ARHGAP10: variants seen among roughly 807,000 people sequenced by gnomAD.
ARHGAP10 encodes Rho GTPase activating protein 10.
ARHGAP10 carries 87 observed loss-of-function variants against 108.6 expected under a neutral mutation model. The observed-to-expected ratio is 0.80, with a 90% CI of 0.67 to 0.96. The LOEUF is 0.96. Ranked by LOEUF, ARHGAP10 falls within the 40% of genes least tolerant of loss-of-function variation. ARHGAP10 has a pLI of 0.00. For synonymous variants in ARHGAP10, 347 were observed against 341.1 expected, an observed-to-expected ratio of 1.02 and a Z score of -0.19; for missense variants, 939 against 954.5, an observed-to-expected ratio of 0.98 and a Z score of 0.21.
chr4:148,036,773 T>A (rs1383355888), intron 19 of ARHGAP10, among the ~76,000 whole-genome samples: 1 of 151,982 alleles, frequency 6.6e-6, no homozygotes, highest in Non-Finnish European at 1.5e-5. Flanking sequence ...TTGTTAGGGG[T>A]TGATTGGGTT....
At chr4:148,049,301 T>C (rs1729021901) in intron 20 of ARHGAP10, among the ~76,000 whole-genome samples, 1 of 152,206 alleles carries the variant, frequency 6.6e-6, no homozygotes, top group Admixed American at 6.5e-5. Context: ...CAGGTGACGA[T>C]GAATGAGCCT....
intron 1 of ARHGAP10, 44 bp downstream of exon 1, chr4:147,732,499 C>A (rs375059886): frequency 4.4e-6 from 7 of 1,601,772 alleles, no homozygotes; most frequent in Non-Finnish European, 6.0e-6. Flanking sequence ...CGTGGCGAGG[C>A]GGCTGGGGGA....
intron 1 of ARHGAP10, among the ~76,000 whole-genome samples, chr4:147,816,806 C>T (rs1277543047): frequency 6.6e-6 from 1 of 152,184 alleles, no homozygotes; most frequent in East Asian, 1.9e-4. Flanking sequence ...AGCTAGTCTA[C>T]AATCCTAGAG....
chr4:147,805,319 G>C (rs1032670893), intron 1 of ARHGAP10, among the ~76,000 whole-genome samples: 3 of 152,096 alleles, frequency 2.0e-5, no homozygotes, highest in African/African-American at 7.2e-5. Flanking sequence ...TCTCTATTCT[G>C]TTCCATTTGT....
intron 3 of ARHGAP10, among the ~76,000 whole-genome samples, chr4:147,838,912 T>C (rs1733281760): frequency 6.6e-6 from 1 of 152,202 alleles, no homozygotes; most frequent in Non-Finnish European, 1.5e-5. Context: ...AATCTCTAAG[T>C]ATCTGAAACT....
chr4:147,836,368 A>G (rs1388972200), intron 3 of ARHGAP10, among the ~76,000 whole-genome samples: 1 of 152,210 alleles, frequency 6.6e-6, no homozygotes, highest in African/African-American at 2.4e-5. Flanking sequence ...TTCACAGTTC[A>G]GGATTGAAAG....
Position 147,822,710 on chromosome 4 carries a change from T to G in ARHGAP10, c.155-17T>G, listed in dbSNP as rs764225890. 5 of 1,610,438 alleles carry G rather than the reference T, an allele frequency of 3.1e-6. No homozygotes were observed. In the South Asian group the frequency reaches 3.3e-5, roughly 11 times the overall value. On this transcript the variant is annotated splice_polypyrimidine_tract_variant and intron_variant, in intron 1 of 22. Coordinates refer to ENST00000336498, the MANE Select transcript of ARHGAP10 (RefSeq NM_024605.4). Reference sequence around the variant, plus strand: ...ATAAAACAAGAACCCAAGTCATCATTATACTTTTCTTTCTAGGTCTGTCAG... The same window carrying G: ...ATAAAACAAGAACCCAAGTCATCATGATACTTTTCTTTCTAGGTCTGTCAG...
At chr4:147,802,674 A>G (rs547521732) in intron 1 of ARHGAP10, among the ~76,000 whole-genome samples, 3 of 152,230 alleles carry the variant, frequency 2.0e-5, no homozygotes, top group African/African-American at 7.2e-5. Flanking sequence ...TGTAACTTCT[A>G]CTTACACTGG....
At chr4:147,803,003 TTTTG>T (rs1293335897) in intron 1 of ARHGAP10, among the ~76,000 whole-genome samples, 1 of 147,564 alleles carries the variant, frequency 6.8e-6, no homozygotes, top group Non-Finnish European at 1.5e-5. Flanking sequence ...TTTCCCTTAG[TTTTG>T]TTTATTGCTT....
chr4:148,025,291 A>G (rs140562857), intron 19 of ARHGAP10, among the ~76,000 whole-genome samples: 30 of 151,886 alleles, frequency 2.0e-4, no homozygotes, highest in African/African-American at 6.3e-4. Flanking sequence ...CATTATTTGC[A>G]TGATGTTTTG....
intron 18 of ARHGAP10, among the ~76,000 whole-genome samples, chr4:148,003,842 G>A (rs375454952): frequency 1.7e-5 from 2 of 114,336 alleles, no homozygotes; most frequent in East Asian, 4.3e-4. Context: ...ACAGCACACT[G>A]ATAGGTCTTG....
chr4:148,019,165 C>T (rs1285727300), intron 18 of ARHGAP10, among the ~76,000 whole-genome samples: 1 of 152,146 alleles, frequency 6.6e-6, no homozygotes, highest in Admixed American at 6.5e-5. Context: ...TTCCAGAGCA[C>T]TTTAGAATAA....
chr4:148,029,665 A>G (rs557675712), intron 19 of ARHGAP10, among the ~76,000 whole-genome samples: 1 of 151,524 alleles, frequency 6.6e-6, no homozygotes, highest in East Asian at 1.9e-4. Flanking sequence ...ATGCTTACCA[A>G]TTTTTTTTTG....
At chr4:147,990,256 A>G (rs942717059) in intron 18 of ARHGAP10, among the ~76,000 whole-genome samples, 5 of 152,234 alleles carry the variant, frequency 3.3e-5, no homozygotes, top group African/African-American at 1.2e-4. Flanking sequence ...ACCAGTAGGT[A>G]AGCGTTTGCA....
chr4:148,015,791 A>C (rs866413567), intron 18 of ARHGAP10, among the ~76,000 whole-genome samples: 2 of 152,216 alleles, frequency 1.3e-5, no homozygotes, highest in Non-Finnish European at 2.9e-5. Flanking sequence ...GTATTTGGCC[A>C]TTTTGTAACT....
chr4:147,966,679 G>T lies in ARHGAP10; in HGVS notation c.1557-1G>T, dbSNP rs777165629. On this transcript the variant is annotated splice_acceptor_variant, in intron 17 of 22. Coordinates refer to ENST00000336498, the MANE Select transcript of ARHGAP10 (RefSeq NM_024605.4). LOFTEE classifies it high-confidence loss of function. ...GATTCCTCCCCCCTTACCAATTTCA[G>T]TGTTTCAAATCACTCCAAGCAGAAC... is the stretch of plus-strand genomic sequence containing the variant. The T allele has an allele frequency of 1.2e-5, 18 of 1,553,966 alleles. No homozygotes were observed. Among genetic ancestry groups the T allele is most frequent in the Non-Finnish European group, 1.6e-5 (18 of 1,143,080 alleles).
intron 1 of ARHGAP10, among the ~76,000 whole-genome samples, chr4:147,753,873 C>T (rs577681789): frequency 2.6e-5 from 4 of 152,240 alleles, no homozygotes; most frequent in African/African-American, 9.6e-5. Flanking sequence ...AGAGTCCTTC[C>T]TCTTGATGCT....
intron 1 of ARHGAP10, among the ~76,000 whole-genome samples, chr4:147,799,911 T>G (rs533745749): frequency 9.9e-5 from 15 of 152,204 alleles, no homozygotes; most frequent in African/African-American, 1.9e-4. Context: ...ATCTTTTTTT[T>G]GGGGGGGTGC....
intron 1 of ARHGAP10, among the ~76,000 whole-genome samples, chr4:147,766,798 AC>A: frequency 3.3e-5 from 1 of 30,208 alleles, no homozygotes; most frequent in Non-Finnish European, 6.6e-5. Flanking sequence ...ACATATATTC[AC>A]ATATATATAT....
Sources: gnomAD v4.1 joint callset for allele counts (sites outside exome capture counted in the v4.1 genomes callset) on GRCh38, gnomAD v4.1.1 for gene constraint, MANE v1.5 for transcripts, NCBI Gene and HGNC (gene_info 2026-07-23, HGNC 2026-07-21) for gene names.